Variants in ONECUT2 observed in about 807,000 individuals in gnomAD.
ONECUT2 encodes the protein one cut domain family member 2.
In ONECUT2, 10 loss-of-function variants were observed where a neutral mutation model predicts 27.9. The ratio of observed to expected loss-of-function variants is 0.36; its 90% CI spans 0.22 to 0.61. ONECUT2 has a LOEUF of 0.61. Among genes scored for constraint, ONECUT2 ranks in the 20% least tolerant of loss-of-function variants. The pLI, the probability that ONECUT2 is intolerant of heterozygous loss-of-function variation, is 0.73. For synonymous variants in ONECUT2, 334 were observed against 315.1 expected (o/e 1.06, Z -0.64); for missense variants, 686 against 721.0 (o/e 0.95, Z 0.56).
chr18:57,455,831 T>A (rs2050256265), intron 1 of ONECUT2, among the ~76,000 whole-genome samples: 1 of 152,128 alleles, frequency 6.6e-6, no homozygotes, highest in African/African-American at 2.4e-5. Context: ...AGTTCAGGGA[T>A]TTGAACATCA....
At chr18:57,447,387 G>A (rs1454730028) in intron 1 of ONECUT2, among the ~76,000 whole-genome samples, 3 of 152,250 alleles carry the variant, frequency 2.0e-5, no homozygotes, top group African/African-American at 2.4e-5. Context: ...CTCCAGCTCT[G>A]TAGGTCTCAG....
chr18:57,469,448 G>A (rs538581571), intron 1 of ONECUT2, among the ~76,000 whole-genome samples: 2 of 152,172 alleles, frequency 1.3e-5, no homozygotes, highest in African/African-American at 2.4e-5. Flanking sequence ...TATTTATTAG[G>A]GGCTAACAAT....
rs1272681960 is a variant in ONECUT2 at position 57,436,373 on chromosome 18, C to T, written c.657C>T (p.Gly219=). The T allele has an allele frequency of 1.2e-6, 2 of 1,608,120 alleles. No homozygotes were observed. Among genetic ancestry groups the T allele is most frequent in the Non-Finnish European group, 1.7e-6 (2 of 1,179,844 alleles). Residue 219 remains glycine, a synonymous_variant, in exon 1 of 2, where the codon GGC becomes GGT. Coordinates refer to ENST00000491143, the MANE Select transcript of ONECUT2 (RefSeq NM_004852.3). The surrounding 1 kb of genome is among the most constrained non-coding windows in gnomAD (Gnocchi z 5.9). The stretch of plus-strand genomic sequence containing the variant: ...ACAGTCCCTACAAGGAGATGCCCGG[C>T]ATGAGCCAGAGCCTGTCCCCGCTGG... ...NLYSPYKEMP[G]MSQSLSPLAA...
intron 1 of ONECUT2, among the ~76,000 whole-genome samples, chr18:57,471,520 G>A (rs1043704663): frequency 4.6e-5 from 7 of 152,204 alleles, no homozygotes; most frequent in Non-Finnish European, 1.5e-5. Flanking sequence ...GGAGAAGCAA[G>A]TTGGTGTCTG....
At position 57,435,910 on chromosome 18, in the gene ONECUT2, C is replaced by T. The variant is rs1411822364; in HGVS notation, c.194C>T (p.Pro65Leu). The stretch of plus-strand genomic sequence containing the variant: ...CATGAGCAGGAGCTGCTGGCCAGCC[C>T]CAGCCCCCACCACGCGGGCCGCGGC... The part of the protein sequence containing the change: ...PGHEQELLAS[P>L]SPHHAGRGAA... Residue 65 changes from proline (P) to leucine (L), a missense_variant, in exon 1 of 2, where the codon CCC becomes CTC. Around this residue, in one of 4 missense-constraint regions of ONECUT2, gnomAD observed 511 missense variants for 488.1 expected, o/e 1.05. Coordinates refer to ENST00000491143, the MANE Select transcript of ONECUT2 (RefSeq NM_004852.3). 1 of 1,146,810 alleles carries T rather than the reference C, an allele frequency of 8.7e-7. No individual in the cohort carries two copies. The highest frequency in any genetic ancestry group is 1.1e-6 in the Non-Finnish European group (1 of 936,124). The allele number at this position is 1,146,810 out of a possible 1,614,324, so 71.0% of individuals were successfully genotyped here.
chr18:57,467,956 C>T (rs1372519398), intron 1 of ONECUT2, among the ~76,000 whole-genome samples: 4 of 152,186 alleles, frequency 2.6e-5, no homozygotes, highest in Non-Finnish European at 4.4e-5. Context: ...GCCATTCTCC[C>T]GCCCACAATA....
intron 1 of ONECUT2, among the ~76,000 whole-genome samples, chr18:57,441,729 C>T (rs1238716423): frequency 6.6e-6 from 1 of 152,280 alleles, no homozygotes; most frequent in African/African-American, 2.4e-5. Context: ...AGAGCTTAAT[C>T]AGCCGCAGAT....
Position 57,435,836 on chromosome 18 carries a change from T to TGGCGGGGGCGGC in ONECUT2, c.135_146dup (p.Gly51_Gly54dup), listed in dbSNP as rs765313963. ...TGCACGGGCCGGCCGGCGGCGGCAG[T>TGGCGGGGGCGGC]GGCGGGGGCGGCGGCGGGGGCGGCG... On this transcript the variant is annotated inframe_insertion, in exon 1 of 2. Coordinates refer to ENST00000491143, the MANE Select transcript of ONECUT2 (RefSeq NM_004852.3). 18 of 1,045,798 alleles carry TGGCGGGGGCGGC rather than the reference T, an allele frequency of 1.7e-5. No homozygotes were observed. The highest frequency in any genetic ancestry group is 2.0e-5 in the Non-Finnish European group (17 of 854,792). 64.8% of individuals were successfully genotyped at this position (1,045,798 alleles called of 1,614,324 possible). A position where few individuals can be genotyped will look rare whatever the true frequency, so the allele number is the denominator to read the frequency against.
Position 57,478,311 on chromosome 18 carries a change from G to T in ONECUT2, c.*1588G>T, listed in dbSNP as rs2050396631. On this transcript the variant is annotated 3_prime_UTR_variant, in exon 2 of 2. Transcript: ENST00000491143. ...TGAATGGCCCCGGGTGGGGCCACGT[G>T]GGGGTGTTCAAAGCAAGCCAAACGC... 6.6e-6 allele frequency: 1 copy of T among 152,518 alleles called. No homozygotes were observed. Among genetic ancestry groups the T allele is most frequent in the African/African-American group, 2.4e-5 (1 of 41,454 alleles). 9.4% of individuals were successfully genotyped at this position (152,518 alleles called of 1,614,324 possible). A position where few individuals can be genotyped will look rare whatever the true frequency, so the allele number is the denominator to read the frequency against.
chr18:57,445,378 A>G (rs17684945), intron 1 of ONECUT2, among the ~76,000 whole-genome samples: 11,934 of 152,284 alleles, frequency 0.078, 597 homozygotes, highest in Middle Eastern at 0.16. Flanking sequence ...GATATTGCTC[A>G]GTATCCCTCT....
chr18:57,468,779 C>T (rs2050338019), intron 1 of ONECUT2, among the ~76,000 whole-genome samples: 1 of 152,226 alleles, frequency 6.6e-6, no homozygotes, highest in African/African-American at 2.4e-5. Context: ...GCATTTATGG[C>T]TTACTGAATA....
In ONECUT2 at chr18:57,484,384, C is replaced by T. The variant is rs2050429349; in HGVS notation, c.*7661C>T. 6.6e-6 allele frequency: 1 copy of T among 152,574 alleles called. No individual in the cohort carries two copies. Among genetic ancestry groups the T allele is most frequent in the Non-Finnish European group, 1.5e-5 (1 of 68,022 alleles). The allele number at this position is 152,574 out of a possible 1,614,324, so 9.5% of individuals were successfully genotyped here. A position where few individuals can be genotyped will look rare whatever the true frequency, so the allele number is the denominator to read the frequency against. Reference sequence around the variant, plus strand: ...TTATAATTTGAACGATTTTCTCTGACATATGGTATGTACAGCCACAGCTCA... The same window carrying T: ...TTATAATTTGAACGATTTTCTCTGATATATGGTATGTACAGCCACAGCTCA... On this transcript the variant is annotated 3_prime_UTR_variant, in exon 2 of 2. Transcript: ENST00000491143.
intron 1 of ONECUT2, among the ~76,000 whole-genome samples, chr18:57,449,535 A>T (rs2050218509): frequency 6.6e-6 from 1 of 152,244 alleles, no homozygotes; most frequent in South Asian, 2.1e-4. Flanking sequence ...ATCTCAAAGT[A>T]GGATTGAGTC....
intron 1 of ONECUT2, among the ~76,000 whole-genome samples, chr18:57,469,308 A>G (rs2050341008): frequency 6.6e-6 from 1 of 152,204 alleles, no homozygotes; most frequent in Non-Finnish European, 1.5e-5. Context: ...TTGGAGGTTA[A>G]GTGTCTGCTG....
rs1598947525 is a variant in ONECUT2, at chr18:57,481,169, A to G, written c.*4446A>G. The G allele has an allele frequency of 6.6e-6, 1 of 151,638 alleles. No individual in the cohort carries two copies. Among genetic ancestry groups the G allele is most frequent in the African/African-American group, 2.4e-5 (1 of 41,388 alleles). The allele number at this position is 151,638 out of a possible 1,614,324, so 9.4% of individuals were successfully genotyped here. A position where few individuals can be genotyped will look rare whatever the true frequency, so the allele number is the denominator to read the frequency against. On this transcript the variant is annotated 3_prime_UTR_variant, in exon 2 of 2. Coordinates refer to ENST00000491143, the MANE Select transcript of ONECUT2 (RefSeq NM_004852.3). ...ACAGAGCCAATACATTTCTTTTTTTAAAGGAAACAGCAACAACAATAAAAA... is the reference window on the plus strand; with the variant it reads ...ACAGAGCCAATACATTTCTTTTTTTGAAGGAAACAGCAACAACAATAAAAA...
At chr18:57,444,298 T>G (rs1422517328) in intron 1 of ONECUT2, 1 of 453,390 alleles carries the variant, frequency 2.2e-6, no homozygotes, top group Admixed American at 2.4e-5. Context: ...CTCACCAAAT[T>G]CTAGAATGTG....
Position 57,436,823 on chromosome 18 carries a change from C to T in ONECUT2, c.1107C>T (p.Ser369=), listed in dbSNP as rs1423009230. 1 of 1,614,010 alleles carries T rather than the reference C, an allele frequency of 6.2e-7. No individual in the cohort carries two copies. The highest frequency in any genetic ancestry group is 8.5e-7 in the Non-Finnish European group (1 of 1,180,050). Residue 369 remains serine (S), a synonymous_variant, in exon 1 of 2, where the codon TCC becomes TCT. Transcript: ENST00000491143. This position sits in a 1 kb window ranked among gnomAD's most constrained non-coding sequence, Gnocchi z 5.9. ...TGTGCCGGTCTCAGGGGACTCTCTC[C>T]GACCTGCTCCGGAATCCAAAACCGT... ...RVLCRSQGTL[S]DLLRNPKPWS...
chr18:57,463,265 C>T (rs1427859318), intron 1 of ONECUT2, among the ~76,000 whole-genome samples: 3 of 152,160 alleles, frequency 2.0e-5, no homozygotes, highest in Non-Finnish European at 2.9e-5. Flanking sequence ...GGATCTATTT[C>T]TGGGTTTCTG....
At chr18:57,446,914 G>GTTGA (rs1219370340) in intron 1 of ONECUT2, among the ~76,000 whole-genome samples, 1 of 152,184 alleles carries the variant, frequency 6.6e-6, no homozygotes, top group Non-Finnish European at 1.5e-5. Flanking sequence ...AAATGGCTCC[G>GTTGA]TTGATTGTGC....
Sources: allele counts gnomAD v4.1 joint callset (sites outside exome capture counted in the v4.1 genomes callset), GRCh38; gene constraint gnomAD v4.1.1; regional missense constraint gnomAD v4.1.1; non-coding constraint Gnocchi (gnomAD v3.1); transcripts MANE v1.5; gene names NCBI Gene and HGNC (gene_info 2026-07-23, HGNC 2026-07-21).